The following COX7A2 variants were observed in gnomAD, a reference collection of about 807,000 sequenced individuals.
COX7A2 encodes cytochrome c oxidase subunit 7A2.
COX7A2 carries 11 observed loss-of-function variants against 11.6 expected under a neutral mutation model. That is an observed-to-expected ratio of 0.95 (90% CI 0.60 to 1.57). The LOEUF is 1.57. Ranked by LOEUF, COX7A2 falls within the 40% of genes most tolerant of loss-of-function variation. The probability of loss-of-function intolerance (pLI) is 0.00; values close to 1 mark genes in which losing one functional copy is unlikely to be tolerated. For synonymous variants in COX7A2, 30 were observed against 38.2 expected (o/e 0.78, Z 0.79); for missense variants, 106 against 100.9 (o/e 1.05, Z -0.22).
chr6:75,248,292 T>G (rs1437308768), upstream of COX7A2, among the ~76,000 whole-genome samples: 5 of 4,394 alleles, frequency 1.1e-3, 2 homozygotes, highest in Admixed American at 4.8e-3. Flanking sequence ...GTTTCACCGT[T>G]TTAGCCAGGA....
chr6:75,242,245 C>T (rs1240683228), intron 1 of COX7A2, among the ~76,000 whole-genome samples: 2 of 152,048 alleles, frequency 1.3e-5, no homozygotes, highest in Non-Finnish European at 2.9e-5. Context: ...TGGCTCACGC[C>T]TGTAATCCCA....
At chr6:75,247,353 ATC>A (rs1326029539), upstream of COX7A2, among the ~76,000 whole-genome samples, 5 of 152,328 alleles carry the variant, frequency 3.3e-5, no homozygotes, top group Admixed American at 3.3e-4. Context: ...GCGTACACAC[ATC>A]TGTTAATTCT....
At chr6:75,247,788 G>T (rs1562377086), upstream of COX7A2, among the ~76,000 whole-genome samples, 1 of 151,912 alleles carries the variant, frequency 6.6e-6, no homozygotes, top group Non-Finnish European at 1.5e-5. Flanking sequence ...ATTTAACCCT[G>T]TATATTATGA....
rs1287771274 is a variant in COX7A2, at chr6:75,243,778, A to G, written c.-44T>C. 14 of 1,614,112 alleles carry G rather than the reference A, an allele frequency of 8.7e-6. No homozygotes were observed. The highest frequency in any genetic ancestry group is 1.2e-5 in the Non-Finnish European group (14 of 1,179,990). ...GCAACCGCCACAACTGAACACCACC[A>G]ACGAAAATGGCCACGCCGGAACCGG... On this transcript the variant is annotated 5_prime_UTR_variant, in exon 1 of 4. Transcript: ENST00000684430.
chr6:75,248,498 T>TC (rs1771725149), upstream of COX7A2, among the ~76,000 whole-genome samples: 4 of 152,210 alleles, frequency 2.6e-5, no homozygotes, highest in South Asian at 8.3e-4. Flanking sequence ...AGCCTGGAAG[T>TC]CCCCCGCTTT....
chr6:75,249,242 CAA>C (rs1177308958), intron 1 of COX7A2, among the ~76,000 whole-genome samples: 1 of 152,134 alleles, frequency 6.6e-6, no homozygotes, highest in Non-Finnish European at 1.5e-5. Flanking sequence ...TCTCAAAAAA[CAA>C]AAGACAATTT....
upstream of COX7A2, among the ~76,000 whole-genome samples, chr6:75,244,272 T>A (rs913672972): frequency 3.3e-5 from 5 of 152,224 alleles, no homozygotes. Flanking sequence ...ACATTACTGT[T>A]CCTTGTGTTG....
At chr6:75,247,478 T>C (rs74753229), upstream of COX7A2, among the ~76,000 whole-genome samples, 3,479 of 152,306 alleles carry the variant, frequency 0.023, 85 homozygotes, top group East Asian at 0.11. Context: ...TATAATTCCA[T>C]ACTTTATCAT....
intron 3 of COX7A2, among the ~76,000 whole-genome samples, chr6:75,240,024 C>A (rs1284703428): frequency 6.6e-6 from 1 of 152,008 alleles, no homozygotes; most frequent in Admixed American, 6.6e-5. Flanking sequence ...TCGCTTGAAC[C>A]CGGGAGGCAG....
At chr6:75,241,328 T>C (rs1232194052) in intron 1 of COX7A2, 63 bp from the exon 2 acceptor site, 7 of 1,349,422 alleles carry the variant, frequency 5.2e-6, no homozygotes, top group Non-Finnish European at 7.0e-6. Context: ...CCAACTATTT[T>C]CAGTCGTTCA....
rs1260320916 is a variant in COX7A2 at position 75,243,763 on chromosome 6, C to T, written c.-29G>A. 1.9e-6 allele frequency: 3 copies of T among 1,613,966 alleles called. No individual in the cohort carries two copies. The highest frequency in any genetic ancestry group is 2.7e-5 in the African/African-American group (2 of 74,932). ...GGCTGTTACTGACCAGCAACCGCCA[C>T]AACTGAACACCACCAACGAAAATGG... On this transcript the variant is annotated 5_prime_UTR_variant, in exon 1 of 4. It adds an upstream start codon to the 5' untranslated region. Transcript: ENST00000684430.
intron 3 of COX7A2, among the ~76,000 whole-genome samples, chr6:75,238,900 C>A (rs1771405234): frequency 6.6e-6 from 1 of 151,700 alleles, no homozygotes; most frequent in Non-Finnish European, 1.5e-5. Flanking sequence ...ACTGCAACCT[C>A]CGCCTACCAG....
At chr6:75,243,945 C>T (rs1045890786), upstream of COX7A2, 20 of 890,158 alleles carry the variant, frequency 2.2e-5, no homozygotes, top group Admixed American at 1.8e-4. Flanking sequence ...CTCGCCGTCT[C>T]AGTCCCGTGA....
rs554299651 is a variant in COX7A2, at chr6:75,238,505, C to T, written c.194-517G>A. ...GGCGGATCACCTGAGGTCAGGAGTT[C>T]GAGACCAGCCTCAACATGGAGAAAC... On this transcript the variant is annotated intron_variant, in intron 3 of 3. Transcript: ENST00000684430. Among the ~76,000 whole-genome samples the T allele has an allele frequency of 1.3e-4, 19 of 151,656 alleles. No homozygotes were observed. The South Asian group carries it at 2.9e-3, about 23-fold the overall frequency.
chr6:75,246,556 CAT>C (rs1582267019), upstream of COX7A2, among the ~76,000 whole-genome samples: 1 of 152,326 alleles, frequency 6.6e-6, no homozygotes, highest in East Asian at 1.9e-4. Flanking sequence ...TAAGCTGGAT[CAT>C]ATGACTCTGC....
chr6:75,243,144 T>G (rs994595640), intron 1 of COX7A2, among the ~76,000 whole-genome samples: 2 of 152,142 alleles, frequency 1.3e-5, no homozygotes, highest in Admixed American at 6.5e-5. Flanking sequence ...TTATCAAAAT[T>G]TGGGGAAATA....
chr6:75,248,035 TGA>T (rs199918221), upstream of COX7A2, among the ~76,000 whole-genome samples: 422 of 151,104 alleles, frequency 2.8e-3, 5 homozygotes, highest in African/African-American at 0.01. Context: ...TGCAGTCCGC[TGA>T]GAGTTTCCTC....
chr6:75,239,599 T>A (rs1771427027), intron 3 of COX7A2, among the ~76,000 whole-genome samples: 1 of 152,236 alleles, frequency 6.6e-6, no homozygotes, highest in African/African-American at 2.4e-5. Flanking sequence ...CAAATTTTGT[T>A]TTGGTCATAA....
chr6:75,240,151 C>T, intron 3 of COX7A2, 150 bp downstream of exon 3: 2 of 654,238 alleles, frequency 3.1e-6, no homozygotes, highest in South Asian at 1.8e-5. Flanking sequence ...GTATCAGTCA[C>T]CCTCTTGAAT....
Sources: allele counts gnomAD v4.1 joint callset (sites outside exome capture counted in the v4.1 genomes callset), GRCh38; gene constraint gnomAD v4.1.1; transcripts MANE v1.5; gene names NCBI Gene and HGNC (gene_info 2026-07-23, HGNC 2026-07-21).